Variants in ZNF48 observed in about 807,000 individuals in gnomAD.
The protein encoded by ZNF48 is zinc finger protein 48, also known as zinc finger protein 553.
Under a neutral mutation model 40.0 loss-of-function variants are expected in ZNF48, and 20 were observed. The observed-to-expected ratio is 0.50, with a 90% CI of 0.35 to 0.73. ZNF48 has a LOEUF of 0.73. Ranked by LOEUF, ZNF48 falls within the 30% of genes least tolerant of loss-of-function variation. The pLI is 0.01. For synonymous variants in ZNF48, 298 were observed against 329.7 expected, an observed-to-expected ratio of 0.90 and a Z score of 1.04; for missense variants, 726 against 851.9, an observed-to-expected ratio of 0.85 and a Z score of 1.84.
Position 30,382,241 on chromosome 16 carries a change from C to T in ZNF48, c.-16+3831C>T. ...GACAGCCAGGGCCTCCTAAGGACAT[C>T]CCCTCCGCAGTTCCCTCTCCAAAAC... is the stretch of plus-strand genomic sequence containing the variant. On this transcript the variant is annotated intron_variant, in intron 1 of 2. Transcript: ENST00000528032. The surrounding 1 kb of genome is among the most constrained non-coding windows in gnomAD (Gnocchi z 4.8). The T allele has an allele frequency of 1.2e-6, 2 of 1,613,004 alleles. No homozygotes were observed. Among genetic ancestry groups the T allele is most frequent in the Non-Finnish European group, 1.7e-6 (2 of 1,179,118 alleles).
At chr16:30,384,105 C>T (rs2049880735) in intron 1 of ZNF48, among the ~76,000 whole-genome samples, 2 of 152,136 alleles carry the variant, frequency 1.3e-5, no homozygotes, top group African/African-American at 4.8e-5. Context: ...ATTCCAGCTA[C>T]TTGGGAATCT....
In ZNF48 at chr16:30,397,263, G is replaced by A. The variant is rs2049993348; in HGVS notation, c.80-67G>A. 9 of 1,410,998 alleles carry A rather than the reference G, an allele frequency of 6.4e-6. No individual in the cohort carries two copies. The highest frequency in any genetic ancestry group is 2.7e-5 in the South Asian group (2 of 73,750). The allele number at this position is 1,410,998 out of a possible 1,614,324, so 87.4% of individuals were successfully genotyped here. ...AGATTGTCAAGGGAGTCTTCCTGGA[G>A]AGGTTGCTGTCAAAGATAAGTACCG... On this transcript the variant is annotated intron_variant, in intron 2 of 2. Coordinates refer to ENST00000613509, the MANE Select transcript of ZNF48 (RefSeq NM_001214909.2). The surrounding 1 kb of genome is among the most constrained non-coding windows in gnomAD (Gnocchi z 4.1).
At chr16:30,387,836 A>T (rs1418884340) in intron 1 of ZNF48, among the ~76,000 whole-genome samples, 4 of 151,862 alleles carry the variant, frequency 2.6e-5, no homozygotes, top group Non-Finnish European at 4.4e-5. Flanking sequence ...ATCTTTCTAT[A>T]ACCCAATTTT....
At position 30,397,631 on chromosome 16, in the gene ZNF48, G is replaced by A; in HGVS notation, c.381G>A (p.Leu127=). The A allele has an allele frequency of 1.9e-6, 3 of 1,614,134 alleles. No individual in the cohort carries two copies. The South Asian group carries it at 3.3e-5, about 18-fold the overall frequency. ...CGKSFRQMSD[L]VKHQRTHTGE... is the part of the protein sequence containing the mutation. ...AAAGCTTCAGGCAGATGTCAGATCT[G>A]GTGAAACACCAGCGGACCCACACAG... The change falls in exon 3 of 3, where the codon CTG becomes CTA. Residue 127 remains leucine (L), a synonymous_variant. Transcript: ENST00000613509. This position sits in a 1 kb window ranked among gnomAD's most constrained non-coding sequence, Gnocchi z 4.1.
In ZNF48 at chr16:30,382,835, C is replaced by T. The variant is rs2049869797; in HGVS notation, c.-16+4425C>T. The T allele has an allele frequency of 6.7e-7, 1 of 1,502,342 alleles. No individual in the cohort carries two copies. Among genetic ancestry groups the T allele is most frequent in the Non-Finnish European group, 9.0e-7 (1 of 1,116,332 alleles). 93.1% of individuals were successfully genotyped at this position (1,502,342 alleles called of 1,614,324 possible). A position where few individuals can be genotyped will look rare whatever the true frequency, so the allele number is the denominator to read the frequency against. ...ATGTGCAGAGAGGAAGGAAGTGGCTCCCTTTGTTAGCAGGGGAGATGAAGG... is the reference window on the plus strand; with the variant it reads ...ATGTGCAGAGAGGAAGGAAGTGGCTTCCTTTGTTAGCAGGGGAGATGAAGG... On this transcript the variant is annotated intron_variant, in intron 1 of 2. Transcript: ENST00000528032. This position sits in a 1 kb window ranked among gnomAD's most constrained non-coding sequence, Gnocchi z 4.8.
At position 30,382,034 on chromosome 16, in the gene ZNF48, G is replaced by C; in HGVS notation, c.-16+3624G>C. ...ACTACCTGAGTCCCCAGATGGAAAA[G>C]ACTAGGGTGTAACCTGGGGACAGGG... is the stretch of plus-strand genomic sequence containing the variant. On this transcript the variant is annotated intron_variant, in intron 1 of 2. Transcript: ENST00000528032. This position sits in a 1 kb window ranked among gnomAD's most constrained non-coding sequence, Gnocchi z 4.8. The C allele has an allele frequency of 6.3e-7, 1 of 1,593,158 alleles. No homozygotes were observed. Among genetic ancestry groups the C allele is most frequent in the Non-Finnish European group, 8.6e-7 (1 of 1,166,526 alleles).
chr16:30,385,349 G>A (rs1027674326), intron 1 of ZNF48, among the ~76,000 whole-genome samples: 26 of 151,910 alleles, frequency 1.7e-4, no homozygotes, highest in Admixed American at 7.2e-4. Context: ...GAAATCAGCC[G>A]GGTGTGGTGG....
At position 30,398,547 on chromosome 16, in the gene ZNF48, C is replaced by A. The variant is rs2050015094; in HGVS notation, c.1297C>A (p.Pro433Thr). The change falls in exon 3 of 3, where the codon CCT (proline) becomes ACT (threonine). Residue 433 changes from proline to threonine, a missense_variant. Physicochemically the swap from Pro to Thr is conservative, Grantham distance 38 (BLOSUM62 -1). This residue lies in a region of ZNF48 where 378 missense variants were observed against 449.1 expected (regional missense o/e 0.84). Coordinates refer to ENST00000613509, the MANE Select transcript of ZNF48 (RefSeq NM_001214909.2). This position sits in a 1 kb window ranked among gnomAD's most constrained non-coding sequence, Gnocchi z 6.6. ...TGGCCTGCCTGGCTTGGAGCCAGAG[C>A]CTGGGGGCCCACAGGCTGGGGAGCC... ...PFGLPGLEPE[P>T]GGPQAGEPPP... The A allele has an allele frequency of 6.2e-7, 1 of 1,609,080 alleles. No individual in the cohort carries two copies. The highest frequency in any genetic ancestry group is 8.5e-7 in the Non-Finnish European group (1 of 1,178,128).
At chr16:30,379,549 G>A (rs1456269790) in intron 1 of ZNF48, 2 of 1,602,898 alleles carry the variant, frequency 1.2e-6, no homozygotes, top group East Asian at 2.2e-5. Context: ...AGGGCAGGGG[G>A]CAGGGGTTCA....
chr16:30,379,251 G>C (rs1405992184), intron 1 of ZNF48: 21 of 1,583,712 alleles, frequency 1.3e-5, no homozygotes, highest in Non-Finnish European at 1.7e-5. Context: ...CGTAAGGGTC[G>C]GGTCTACAGG....
intron 1 of ZNF48, chr16:30,378,737 G>A: frequency 6.3e-7 from 1 of 1,585,652 alleles, no homozygotes; most frequent in Non-Finnish European, 8.6e-7. Context: ...AATCAGGAGC[G>A]GGACCTGAGG....
upstream of ZNF48, among the ~76,000 whole-genome samples, chr16:30,393,107 G>T (rs934108964): frequency 6.6e-6 from 1 of 150,964 alleles, no homozygotes; most frequent in African/African-American, 2.4e-5. Context: ...ATGAAGTCTC[G>T]CTCTTGTCCC....
At chr16:30,396,247 C>T (rs1259248909) in intron 2 of ZNF48, among the ~76,000 whole-genome samples, 2 of 152,180 alleles carry the variant, frequency 1.3e-5, no homozygotes, top group East Asian at 1.9e-4. Context: ...TAGCGTCCCC[C>T]AGTCTCCTAA....
chr16:30,398,441 G>GCTCTT lies in ZNF48; in HGVS notation c.1191_1192insCTCTT (p.Ile398LeufsTer17). ...TCCCAGGCTATCCCCTACCCGCTCT[G>GCTCTT]ATCCCCAGCCCACCCCCACCTCCTC... On this transcript the variant is annotated frameshift_variant, in exon 3 of 3. Transcript: ENST00000613509. LOFTEE classifies it high-confidence loss of function. The surrounding 1 kb of genome is among the most constrained non-coding windows in gnomAD (Gnocchi z 6.6). 6.3e-7 allele frequency: 1 copy of GCTCTT among 1,596,338 alleles called. No homozygotes were observed. The highest frequency in any genetic ancestry group is 8.6e-7 in the Non-Finnish European group (1 of 1,169,246).
chr16:30,389,418 C>T (rs1187891206), intron 1 of ZNF48, among the ~76,000 whole-genome samples: 1 of 147,924 alleles, frequency 6.8e-6, no homozygotes, highest in Non-Finnish European at 1.5e-5. Context: ...AATAATAATA[C>T]AAAAATTAGC....
intron 1 of ZNF48, among the ~76,000 whole-genome samples, chr16:30,389,292 G>A (rs148859538): frequency 0.011 from 1,636 of 152,040 alleles, 34 homozygotes; most frequent in African/African-American, 0.037. Context: ...TCGGGAGGCT[G>A]AGGCAGGAGA....
At position 30,381,580 on chromosome 16, in the gene ZNF48, A is replaced by G. The variant is rs553928866; in HGVS notation, c.-16+3170A>G. 1.7e-5 allele frequency: 26 copies of G among 1,507,520 alleles called. No individual in the cohort carries two copies. The highest frequency in any genetic ancestry group is 4.5e-5 in the East Asian group (2 of 44,300). 93.4% of individuals were successfully genotyped at this position (1,507,520 alleles called of 1,614,324 possible). A position where few individuals can be genotyped will look rare whatever the true frequency, so the allele number is the denominator to read the frequency against. ...AATGTCATTTCTTTGGCTCCCTCCA[A>G]AGACATTAAGGGGAACTGGTGGGGG... On this transcript the variant is annotated intron_variant, in intron 1 of 2. Coordinates refer to the ZNF48 transcript ENST00000528032. The surrounding 1 kb of genome is among the most constrained non-coding windows in gnomAD (Gnocchi z 4.3).
chr16:30,397,522 G>T lies in ZNF48; in HGVS notation c.272G>T (p.Arg91Leu), dbSNP rs186274396. ...GAGGGTCTAGGAAAGCCTCAGCCTC[G>T]GGACAGAGGCCCCCGGCTCCTGGGT... ...QREGLGKPQPRDRGPRLLGEP... is the reference protein window; with the variant it reads ...QREGLGKPQPLDRGPRLLGEP... Residue 91 changes from arginine (R) to leucine (L), a missense_variant, in exon 3 of 3, where the codon CGG becomes CTG. Transcript: ENST00000613509. This position sits in a 1 kb window ranked among gnomAD's most constrained non-coding sequence, Gnocchi z 4.1. 1.9e-6 allele frequency: 3 copies of T among 1,614,016 alleles called. No individual in the cohort carries two copies. In the African/African-American group the frequency reaches 4.0e-5, roughly 22 times the overall value.
chr16:30,391,323 G>T (rs879422056), upstream of ZNF48, among the ~76,000 whole-genome samples: 1 of 152,074 alleles, frequency 6.6e-6, no homozygotes, highest in Non-Finnish European at 1.5e-5. Context: ...CTGAGTAGCT[G>T]GGATTACAGG....
Sources: allele counts gnomAD v4.1 joint callset (sites outside exome capture counted in the v4.1 genomes callset), GRCh38; gene constraint gnomAD v4.1.1; regional missense constraint gnomAD v4.1.1; non-coding constraint Gnocchi (gnomAD v3.1); transcripts MANE v1.5; gene names NCBI Gene and HGNC (gene_info 2026-07-23, HGNC 2026-07-21).